PRLR: variants seen among roughly 807,000 people sequenced by gnomAD.
PRLR encodes prolactin receptor.
PRLR carries 13 observed loss-of-function variants against 40.2 expected under a neutral mutation model. That is an observed-to-expected ratio of 0.32 (90% CI 0.21 to 0.51). The LOEUF is 0.51. Ranked by LOEUF, PRLR falls within the 20% of genes least tolerant of loss-of-function variation. The pLI is 0.97. For missense variants in PRLR, 656 were observed against 747.3 expected, an observed-to-expected ratio of 0.88 and a Z score of 1.42; for synonymous variants, 269 against 278.7, an observed-to-expected ratio of 0.97 and a Z score of 0.35.
chr5:35,205,730 G>T (rs1775999653), intron 1 of PRLR, among the ~76,000 whole-genome samples: 1 of 152,130 alleles, frequency 6.6e-6, no homozygotes, highest in South Asian at 2.1e-4. Context: ...TTGCCTCCAG[G>T]AGAATAGGCA....
Position 35,208,103 on chromosome 5 carries a change from C to T in PRLR, c.-106+22165G>A, listed in dbSNP as rs115030431. On this transcript the variant is annotated intron_variant, in intron 1 of 9. Transcript: ENST00000618457. The stretch of plus-strand genomic sequence containing the variant: ...CATCATTGTCTTTCTCTCGGACTGC[C>T]GCAGCCTCCCCAGTGGCCTCCTGCT... 4.0e-3 allele frequency among the ~76,000 whole-genome samples: 608 copies of T among 152,042 alleles called. 7 individuals carry two copies. The highest frequency in any genetic ancestry group is 0.014 in the African/African-American group (582 of 41,438).
intron 1 of PRLR, among the ~76,000 whole-genome samples, chr5:35,189,803 C>A (rs1775551499): frequency 6.6e-6 from 1 of 152,104 alleles, no homozygotes; most frequent in African/African-American, 2.4e-5. Context: ...AGATTCCTCT[C>A]AGTGTGAAGA....
At chr5:35,157,812 G>C (rs2111892059) in intron 1 of PRLR, among the ~76,000 whole-genome samples, 1 of 152,290 alleles carries the variant, frequency 6.6e-6, no homozygotes, top group South Asian at 2.1e-4. Context: ...ATACTACTTT[G>C]GGTGAGTTTT....
At chr5:35,077,325 G>A (rs1315181316) in intron 5 of PRLR, among the ~76,000 whole-genome samples, 4 of 152,002 alleles carry the variant, frequency 2.6e-5, no homozygotes, top group Non-Finnish European at 4.4e-5. Context: ...GACACACATA[G>A]GCTCAAAATA....
intron 1 of PRLR, among the ~76,000 whole-genome samples, chr5:35,178,157 A>G (rs80302267): frequency 0.04 from 6,152 of 152,120 alleles, 154 homozygotes; most frequent in Middle Eastern, 0.11. Flanking sequence ...CCATTGTTAA[A>G]CTGGGTTATC....
chr5:35,212,504 G>C (rs1181683388), intron 1 of PRLR, among the ~76,000 whole-genome samples: 1 of 152,198 alleles, frequency 6.6e-6, no homozygotes, highest in Non-Finnish European at 1.5e-5. Flanking sequence ...GAGATTAGCA[G>C]TGCTTTACTC....
chr5:35,066,730 T>G (rs188909766), intron 9 of PRLR, among the ~76,000 whole-genome samples: 1 of 151,546 alleles, frequency 6.6e-6, no homozygotes, highest in African/African-American at 2.4e-5. Context: ...CCCCTCCTAT[T>G]TCCTCCTGCC....
chr5:35,139,791 G>A (rs1773963714), intron 1 of PRLR, among the ~76,000 whole-genome samples: 1 of 152,148 alleles, frequency 6.6e-6, no homozygotes, highest in African/African-American at 2.4e-5. Context: ...TTGCATGTAT[G>A]TATTTTTTCT....
intron 3 of PRLR, among the ~76,000 whole-genome samples, chr5:35,088,897 T>C (rs1771026587): frequency 1.3e-5 from 2 of 152,206 alleles, no homozygotes; most frequent in South Asian, 2.1e-4. Flanking sequence ...TAAAAGTATA[T>C]ACATACAGGT....
chr5:35,177,261 T>C (rs552095629), intron 1 of PRLR, among the ~76,000 whole-genome samples: 2 of 152,242 alleles, frequency 1.3e-5, no homozygotes, highest in South Asian at 4.2e-4. Context: ...TTTCTTTCTC[T>C]ATACTTTGTC....
rs754974807 is a variant in PRLR, at chr5:35,068,265, G to A, written c.806C>T (p.Pro269Leu). The A allele has an allele frequency of 2.4e-5, 38 of 1,612,948 alleles. No homozygotes were observed. Among genetic ancestry groups the A allele is most frequent in the African/African-American group, 1.6e-4 (12 of 74,858 alleles). Reference sequence around the variant, plus strand: ...TTTTATTTTTGGCCCAGGAACTGGCGGAAAGATGCAGGTCACCATGCTATA... The same window carrying A: ...TTTTATTTTTGGCCCAGGAACTGGCAGAAAGATGCAGGTCACCATGCTATA... ...KGYSMVTCIF[P>L]PVPGPKIKGF... Residue 269 changes from proline to leucine, a missense_variant, in exon 9 of 10, where the codon CCG becomes CTG. By Grantham distance (98) the Pro-to-Leu change is moderately conservative. Coordinates refer to ENST00000618457, the MANE Select transcript of PRLR (RefSeq NM_000949.7).
At chr5:35,170,178 T>C (rs1357484781) in intron 1 of PRLR, among the ~76,000 whole-genome samples, 4 of 152,222 alleles carry the variant, frequency 2.6e-5, no homozygotes, top group African/African-American at 4.8e-5. Flanking sequence ...ATAGATGCTA[T>C]GTGCTGCAAT....
At chr5:35,112,699 C>T (rs1257845084) in intron 2 of PRLR, among the ~76,000 whole-genome samples, 4 of 152,194 alleles carry the variant, frequency 2.6e-5, no homozygotes, top group Non-Finnish European at 4.4e-5. Flanking sequence ...TGTACCAATA[C>T]AGCCTGTGTC....
intron 1 of PRLR, among the ~76,000 whole-genome samples, chr5:35,143,924 CAA>C (rs5867268): frequency 2.7e-5 from 4 of 150,898 alleles, no homozygotes; most frequent in East Asian, 1.9e-4. Context: ...TAAAAAACGA[CAA>C]AAAAAAAATC....
chr5:35,187,067 G>A (rs1374718886), intron 1 of PRLR, among the ~76,000 whole-genome samples: 2 of 152,106 alleles, frequency 1.3e-5, no homozygotes, highest in African/African-American at 4.8e-5. Context: ...TGGGCAAGCC[G>A]GTCTCCTGAT....
At chr5:35,073,679 T>G (rs1769891250) in intron 5 of PRLR, among the ~76,000 whole-genome samples, 1 of 152,194 alleles carries the variant, frequency 6.6e-6, no homozygotes, top group Non-Finnish European at 1.5e-5. Flanking sequence ...TTGTAAGACA[T>G]TGCGTTTGAT....
intron 2 of PRLR, among the ~76,000 whole-genome samples, chr5:35,108,995 C>T (rs945498367): frequency 6.6e-6 from 1 of 152,214 alleles, no homozygotes; most frequent in African/African-American, 2.4e-5. Context: ...ACCAAAACAG[C>T]ATGGTACTAG....
intron 1 of PRLR, among the ~76,000 whole-genome samples, chr5:35,159,140 G>A (rs900540884): frequency 6.6e-6 from 1 of 151,984 alleles, no homozygotes; most frequent in African/African-American, 2.4e-5. Context: ...CAGGGTTCCT[G>A]ACCTCATGGA....
At chr5:35,092,196 T>C (rs1486591412) in intron 2 of PRLR, among the ~76,000 whole-genome samples, 1 of 152,060 alleles carries the variant, frequency 6.6e-6, no homozygotes, top group Non-Finnish European at 1.5e-5. Context: ...AAAAAAAGCT[T>C]CCCTTTGGGA....
Sources: gnomAD v4.1 joint callset for allele counts (sites outside exome capture counted in the v4.1 genomes callset) on GRCh38, gnomAD v4.1.1 for gene constraint, MANE v1.5 for transcripts, NCBI Gene and HGNC (gene_info 2026-07-23, HGNC 2026-07-21) for gene names.